Variants in BOLL observed in about 807,000 individuals in gnomAD.
BOLL encodes protein boule-like.
Under a neutral mutation model 44.4 loss-of-function variants are expected in BOLL, and 23 were observed. The observed-to-expected ratio is 0.52, with a 90% CI of 0.37 to 0.73. The LOEUF is 0.73. Among genes scored for constraint, BOLL ranks in the 30% least tolerant of loss-of-function variants. The probability of loss-of-function intolerance (pLI) is 0.00; values close to 1 mark genes in which losing one functional copy is unlikely to be tolerated. For missense variants in BOLL, 287 were observed against 338.3 expected (o/e 0.85, Z 1.19); for synonymous variants, 97 against 110.8 (o/e 0.88, Z 0.78).
At chr2:197,785,468 C>A, upstream of BOLL, 28 of 841,686 alleles carry the variant, frequency 3.3e-5, no homozygotes, top group Non-Finnish European at 3.9e-5. This position sits in a 1 kb window ranked among gnomAD's most constrained non-coding sequence, Gnocchi z 6.7. Context: ...GGGTGCACAG[C>A]CAGGGCTAGA....
At chr2:197,733,426 AC>A (rs1217380074) in intron 10 of BOLL, among the ~76,000 whole-genome samples, 8 of 151,012 alleles carry the variant, frequency 5.3e-5, no homozygotes, top group Non-Finnish European at 4.4e-5. Flanking sequence ...CCATCAAGCT[AC>A]CAATGACTTT....
At chr2:197,785,843 G>T, upstream of BOLL, 1 of 780,462 alleles carries the variant, frequency 1.3e-6, no homozygotes, top group Non-Finnish European at 2.2e-6. The surrounding 1 kb of genome is among the most constrained non-coding windows in gnomAD (Gnocchi z 6.7). Flanking sequence ...GGTCGATGGG[G>T]CACCTGGCCA....
chr2:197,776,163 G>C (rs975678954), intron 4 of BOLL, among the ~76,000 whole-genome samples: 3 of 151,874 alleles, frequency 2.0e-5, no homozygotes, highest in Non-Finnish European at 2.9e-5. Context: ...CTCTAAGAGA[G>C]AGCTTTCTAT....
At chr2:197,739,567 C>A (rs755321218) in intron 10 of BOLL, among the ~76,000 whole-genome samples, 7 of 152,138 alleles carry the variant, frequency 4.6e-5, no homozygotes, top group Non-Finnish European at 1.0e-4. Context: ...TCAAGCAATC[C>A]TCCTACCTTG....
chr2:197,732,601 G>A (rs755624169), intron 10 of BOLL, among the ~76,000 whole-genome samples: 29,662 of 150,446 alleles, frequency 0.2, 2,989 homozygotes, highest in Middle Eastern at 0.27. Flanking sequence ...ACATCAAAAA[G>A]CTTATCCACC....
At chr2:197,784,390 A>G (rs1460361023) in intron 1 of BOLL, among the ~76,000 whole-genome samples, 1 of 82,194 alleles carries the variant, frequency 1.2e-5, no homozygotes, top group Non-Finnish European at 2.2e-5. Context: ...GCAGTCTAAT[A>G]CATATATATA....
chr2:197,758,812 T>C (rs1316065915), intron 7 of BOLL: 2 of 625,994 alleles, frequency 3.2e-6, no homozygotes, highest in African/African-American at 1.9e-5. Context: ...ATGTTAAATA[T>C]AATATAGCAA....
chr2:197,727,463 C>G lies in BOLL; in HGVS notation c.*1092G>C, dbSNP rs1029635008. 1 of 152,384 alleles carries G rather than the reference C, an allele frequency of 6.6e-6. No individual in the cohort carries two copies. Among genetic ancestry groups the G allele is most frequent in the East Asian group, 1.9e-4 (1 of 5,322 alleles). The allele number at this position is 152,384 out of a possible 1,614,324, so 9.4% of individuals were successfully genotyped here. On this transcript the variant is annotated 3_prime_UTR_variant, in exon 11 of 11. Transcript: ENST00000392296. ...CTGTAGAAATTTTAGAGATTAAAAACCCCTATGATTTGTTCTGTACCTTTT... is the reference window on the plus strand; with the variant it reads ...CTGTAGAAATTTTAGAGATTAAAAAGCCCTATGATTTGTTCTGTACCTTTT...
intron 1 of BOLL, among the ~76,000 whole-genome samples, chr2:197,783,354 C>G (rs1449656627): frequency 6.6e-6 from 1 of 152,182 alleles, no homozygotes; most frequent in Non-Finnish European, 1.5e-5. Context: ...GAGAAACAAA[C>G]TCATGAAAAT....
In BOLL at chr2:197,784,201, A is replaced by G. The variant is rs571630428; in HGVS notation, c.-16+855T>C. The stretch of plus-strand genomic sequence containing the variant: ...AGTATGTTTATTATCTGTCTCCACT[A>G]TTATGTAATGCACCAGGGCAGAAGT... On this transcript the variant is annotated intron_variant, in intron 1 of 10. Transcript: ENST00000392296. Among the ~76,000 whole-genome samples the G allele has an allele frequency of 3.1e-4, 47 of 151,626 alleles. 1 individual carries two copies. In the South Asian group the frequency reaches 8.1e-3, roughly 26 times the overall value.
chr2:197,773,098 T>C (rs1401913034), intron 5 of BOLL, among the ~76,000 whole-genome samples: 1 of 151,846 alleles, frequency 6.6e-6, no homozygotes, highest in African/African-American at 2.4e-5. Context: ...TTTATTTTAA[T>C]GGTTCTTAAT....
chr2:197,729,119 C>T (rs923945356), intron 10 of BOLL, among the ~76,000 whole-genome samples: 1 of 152,192 alleles, frequency 6.6e-6, no homozygotes, highest in Admixed American at 6.5e-5. Flanking sequence ...TGGGTGCGTG[C>T]ACCGTGCGCA....
Position 197,779,084 on chromosome 2 carries a change from A to T in BOLL, c.130-18T>A, listed in dbSNP as rs1689650264. The T allele has an allele frequency of 6.4e-7, 1 of 1,554,730 alleles. No homozygotes were observed. The highest frequency in any genetic ancestry group is 8.8e-7 in the Non-Finnish European group (1 of 1,134,224). The stretch of plus-strand genomic sequence containing the variant: ...TCGTTTGTCTAATGGCATAAAAAGA[A>T]AACGTTAAAAAGCATTTTTAGTTGA... On this transcript the variant is annotated intron_variant, in intron 2 of 10. Coordinates refer to ENST00000392296, the MANE Select transcript of BOLL (RefSeq NM_033030.6).
At chr2:197,755,331 T>C (rs538321435) in intron 9 of BOLL, among the ~76,000 whole-genome samples, 6 of 152,378 alleles carry the variant, frequency 3.9e-5, no homozygotes, top group Non-Finnish European at 8.8e-5. Context: ...TGGAAGACAG[T>C]GTGGTGATTC....
intron 8 of BOLL, 107 bp from the exon 9 acceptor site, chr2:197,756,663 A>T: frequency 8.7e-6 from 10 of 1,148,844 alleles, no homozygotes; most frequent in Middle Eastern, 2.8e-4. Context: ...ATTTTACTAA[A>T]TTTTTTTTTA....
intron 9 of BOLL, among the ~76,000 whole-genome samples, chr2:197,754,750 AACACAC>A (rs142614771): frequency 0.015 from 2,204 of 150,034 alleles, 22 homozygotes; most frequent in South Asian, 0.032. Context: ...AAAACCCCAA[AACACAC>A]ACACACACAC....
chr2:197,769,750 A>G (rs1005460573), intron 6 of BOLL, among the ~76,000 whole-genome samples: 1 of 152,144 alleles, frequency 6.6e-6, no homozygotes, highest in African/African-American at 2.4e-5. Context: ...CCCATTCACA[A>G]TTGCTTCAAA....
chr2:197,783,408 T>C (rs1354879008), intron 1 of BOLL, among the ~76,000 whole-genome samples: 2 of 152,232 alleles, frequency 1.3e-5, no homozygotes, highest in Admixed American at 6.5e-5. Context: ...TTCAAATTTG[T>C]TCTGCTCTTT....
At chr2:197,746,841 A>G (rs996534872) in intron 9 of BOLL, among the ~76,000 whole-genome samples, 1 of 148,378 alleles carries the variant, frequency 6.7e-6, no homozygotes, top group Non-Finnish European at 1.5e-5. Context: ...CAGAGGTTGC[A>G]GTGAGCCGAG....
Sources: gnomAD v4.1 joint callset for allele counts (sites outside exome capture counted in the v4.1 genomes callset) on GRCh38, gnomAD v4.1.1 for gene constraint, Gnocchi (gnomAD v3.1) non-coding constraint, MANE v1.5 for transcripts, NCBI Gene and HGNC (gene_info 2026-07-23, HGNC 2026-07-21) for gene names.